Variants in ITGB3BP observed in about 807,000 individuals in gnomAD.
The protein encoded by ITGB3BP is centromere protein R.
ITGB3BP carries 27 observed loss-of-function variants against 29.1 expected under a neutral mutation model. The ratio of observed to expected loss-of-function variants is 0.93; its 90% CI spans 0.68 to 1.28. The LOEUF is 1.28. Among genes scored for constraint, ITGB3BP ranks in the 50% most tolerant of loss-of-function variants. The pLI, the probability that ITGB3BP is intolerant of heterozygous loss-of-function variation, is 0.00. For synonymous variants in ITGB3BP, 61 were observed against 61.4 expected, an observed-to-expected ratio of 0.99 and a Z score of 0.03; for missense variants, 192 against 200.2, an observed-to-expected ratio of 0.96 and a Z score of 0.25.
At chr1:63,525,425 T>C (rs1472854437), upstream of ITGB3BP, 1 of 569,562 alleles carries the variant, frequency 1.8e-6, no homozygotes, top group Non-Finnish European at 2.8e-6. Flanking sequence ...ATATAAAACT[T>C]TTAATATCTT....
chr1:63,473,917 A>T (rs1259868874), intron 4 of ITGB3BP, among the ~76,000 whole-genome samples: 1 of 13,974 alleles, frequency 7.2e-5, no homozygotes, highest in African/African-American at 2.2e-4. Flanking sequence ...TCCGGGAGGG[A>T]GGTGGGGGGG....
At chr1:63,475,392 C>T (rs551229879) in intron 4 of ITGB3BP, among the ~76,000 whole-genome samples, 1 of 152,026 alleles carries the variant, frequency 6.6e-6, no homozygotes, top group African/African-American at 2.4e-5. Context: ...AACATCTCTA[C>T]AAAAAAATAA....
chr1:63,446,822 T>C lies in ITGB3BP; in HGVS notation c.519A>G (p.Lys173=), dbSNP rs1242964334. The C allele has an allele frequency of 6.2e-7, 1 of 1,611,382 alleles. No homozygotes were observed. Among genetic ancestry groups the C allele is most frequent in the Non-Finnish European group, 8.5e-7 (1 of 1,177,870 alleles). ...SRHLDSYEFL[K]AILN is the part of the protein sequence containing the mutation. Reference sequence around the variant, plus strand: ...AAACAGTACCTCAGTTTAAAATGGCTTTAAGGAATTCATAGCTGTCAAGAT... The same window carrying C: ...AAACAGTACCTCAGTTTAAAATGGCCTTAAGGAATTCATAGCTGTCAAGAT... Residue 173 remains lysine, a synonymous_variant, in exon 8 of 9, where the codon AAA becomes AAG. Coordinates refer to ENST00000271002, the MANE Select transcript of ITGB3BP (RefSeq NM_014288.5).
chr1:63,506,270 G>A, intron 2 of ITGB3BP, among the ~76,000 whole-genome samples: 1 of 152,160 alleles, frequency 6.6e-6, no homozygotes, highest in Non-Finnish European at 1.5e-5. Flanking sequence ...ATTATGTAAT[G>A]ACCTTCTTTG....
chr1:63,505,725 G>T (rs964981276), intron 2 of ITGB3BP, among the ~76,000 whole-genome samples: 4 of 151,948 alleles, frequency 2.6e-5, no homozygotes, highest in East Asian at 1.9e-4. Context: ...CTTTGTTCTC[G>T]TTGGTTTCAA....
At chr1:63,494,426 C>T (rs532641801) in intron 2 of ITGB3BP, among the ~76,000 whole-genome samples, 6 of 152,162 alleles carry the variant, frequency 3.9e-5, no homozygotes, top group Non-Finnish European at 2.9e-5. Context: ...ACCCCAACTA[C>T]CTTCTTATCA....
intron 7 of ITGB3BP, among the ~76,000 whole-genome samples, chr1:63,448,649 A>G (rs1374624127): frequency 6.6e-6 from 1 of 152,128 alleles, no homozygotes; most frequent in African/African-American, 2.4e-5. Flanking sequence ...TGAGAGTAAA[A>G]AATGGGAAAA....
At chr1:63,499,156 G>GTT (rs57626823) in intron 2 of ITGB3BP, among the ~76,000 whole-genome samples, 2 of 118,062 alleles carry the variant, frequency 1.7e-5, no homozygotes, top group East Asian at 2.5e-4. Flanking sequence ...TTCCACTAGC[G>GTT]TTTTTTTTTT....
At chr1:63,475,137 C>T (rs1361769902) in intron 4 of ITGB3BP, among the ~76,000 whole-genome samples, 1 of 151,928 alleles carries the variant, frequency 6.6e-6, no homozygotes, top group South Asian at 2.1e-4. Context: ...ACCACACCCA[C>T]CTAATTTAAA....
intron 2 of ITGB3BP, among the ~76,000 whole-genome samples, chr1:63,505,713 A>C (rs1257443700): frequency 6.6e-6 from 1 of 151,838 alleles, no homozygotes; most frequent in African/African-American, 2.4e-5. Context: ...GGTATGTTGT[A>C]TCTTTGTTCT....
chr1:63,502,829 C>A (rs1413163817), intron 2 of ITGB3BP, among the ~76,000 whole-genome samples: 5 of 152,070 alleles, frequency 3.3e-5, no homozygotes, highest in African/African-American at 1.2e-4. Context: ...CATGTCCCTA[C>A]AAAGGACATG....
chr1:63,465,978 T>A (rs1645093518), intron 4 of ITGB3BP, among the ~76,000 whole-genome samples: 1 of 152,222 alleles, frequency 6.6e-6, no homozygotes, highest in Non-Finnish European at 1.5e-5. Context: ...CAGAGTGGGC[T>A]GACCCAAGAT....
intron 4 of ITGB3BP, among the ~76,000 whole-genome samples, chr1:63,463,110 G>A (rs1355566725): frequency 6.6e-6 from 1 of 151,976 alleles, no homozygotes; most frequent in Non-Finnish European, 1.5e-5. Context: ...GCCAGGCATG[G>A]TGGTGGCGTG....
chr1:63,480,677 C>T (rs546912231), intron 3 of ITGB3BP, among the ~76,000 whole-genome samples: 1 of 152,062 alleles, frequency 6.6e-6, no homozygotes, highest in East Asian at 1.9e-4. Flanking sequence ...TAAATTGTTA[C>T]CCCAAAATAG....
At chr1:63,517,859 C>T (rs1189852464) in intron 1 of ITGB3BP, among the ~76,000 whole-genome samples, 1 of 152,076 alleles carries the variant, frequency 6.6e-6, no homozygotes, top group Non-Finnish European at 1.5e-5. Context: ...GTAGCTGGGA[C>T]TACAGGCACG....
intron 4 of ITGB3BP, chr1:63,457,744 T>C (rs1350803102): frequency 6.6e-6 from 1 of 152,200 alleles, no homozygotes; most frequent in African/African-American, 2.4e-5. Flanking sequence ...CTTTATCTTA[T>C]AATGACCCTT....
rs1645614779 is a variant in ITGB3BP at position 63,490,127 on chromosome 1, G to A, written c.140C>T (p.Pro47Leu). 1.9e-6 allele frequency: 3 copies of A among 1,610,614 alleles called. No homozygotes were observed. The highest frequency in any genetic ancestry group is 2.5e-6 in the Non-Finnish European group (3 of 1,177,660). ...GTGCTTTTGCTCTTCAGAACTTGTG[G>A]GAGAAGCAAATAGACTCATTTGACA... ...GTCQMSLFAS[P>L]TSSEEQKHRN... is the part of the protein sequence containing the mutation. The change falls in exon 3 of 9, where the codon CCC becomes CTC. Residue 47 changes from proline (P) to leucine (L), a missense_variant. Pro to Leu is a moderately conservative substitution (Grantham distance 98, BLOSUM62 -3). Transcript: ENST00000271002.
intron 4 of ITGB3BP, among the ~76,000 whole-genome samples, chr1:63,465,420 A>AT (rs1254428428): frequency 4.6e-5 from 7 of 151,106 alleles, no homozygotes; most frequent in African/African-American, 1.2e-4. Flanking sequence ...TACCCGTGGG[A>AT]TTTTTTTCTT....
In ITGB3BP at chr1:63,523,126, T is replaced by C. The variant is rs185765364; in HGVS notation, c.5+3A>G. 177 of 1,614,184 alleles carry C rather than the reference T, an allele frequency of 1.1e-4. No homozygotes were observed. The African/African-American group carries it at 2.1e-3, about 19-fold the overall frequency. On this transcript the variant is annotated splice_donor_region_variant and intron_variant, in intron 1 of 8. Coordinates refer to ENST00000271002, the MANE Select transcript of ITGB3BP (RefSeq NM_014288.5). ...CAGCAATACCTGGGGAGGAGATACC[T>C]ACGGCATTCTGAGATTCGGGAAAGC...
Sources: gnomAD v4.1 joint callset for allele counts (sites outside exome capture counted in the v4.1 genomes callset) on GRCh38, gnomAD v4.1.1 for gene constraint, MANE v1.5 for transcripts, NCBI Gene and HGNC (gene_info 2026-07-23, HGNC 2026-07-21) for gene names.